TDP1: variants seen among roughly 807,000 people sequenced by gnomAD.
TDP1 encodes the protein tyrosyl-DNA phosphodiesterase 1, also known as tyr-DNA phosphodiesterase 1.
TDP1 carries 64 observed loss-of-function variants against 81.5 expected under a neutral mutation model. That is an observed-to-expected ratio of 0.79 (90% confidence interval 0.64 to 0.97). The LOEUF (loss-of-function observed/expected upper bound fraction) is 0.97, where lower values mean the gene tolerates loss of function less well. TDP1 is among the 50% of genes least tolerant of loss of function. TDP1 has a pLI of 0.00. For missense variants in TDP1, 723 were observed against 743.8 expected, an observed-to-expected ratio of 0.97 and a Z score of 0.33; for synonymous variants, 256 against 264.3, an observed-to-expected ratio of 0.97 and a Z score of 0.30.
intron 15 of TDP1, among the ~76,000 whole-genome samples, chr14:90,027,089 G>C (rs1886748995): frequency 6.6e-6 from 1 of 152,280 alleles, no homozygotes; most frequent in South Asian, 2.1e-4. Flanking sequence ...GTGTAAAAGT[G>C]TTCCTATTTC....
rs778505852 is a variant in TDP1, at chr14:89,991,935, A to G, written c.1385A>G (p.Tyr462Cys). Residue 462 changes from tyrosine (Y) to cysteine (C), a missense_variant, in exon 13 of 17, where the codon TAT becomes TGT. Physicochemically the swap from Tyr to Cys is radical, Grantham distance 194 (BLOSUM62 -2). Coordinates refer to ENST00000335725, the MANE Select transcript of TDP1 (RefSeq NM_018319.4). ...EGYPAGGSLP[Y>C]SIQTAEKQNW... ...TTAAAAGCTGGGGGCTCTCTTCCCT[A>G]TAGCATCCAGACAGCTGAAAAACAG... is the stretch of plus-strand genomic sequence containing the variant. 8 of 1,612,088 alleles carry G rather than the reference A, an allele frequency of 5.0e-6. No individual in the cohort carries two copies. The Admixed American group carries it at 6.7e-5, about 13-fold the overall frequency.
chr14:89,966,896 A>C (rs1479424219), intron 4 of TDP1: 1 of 690,962 alleles, frequency 1.4e-6, no homozygotes, highest in East Asian at 1.3e-4. Flanking sequence ...AGCCTAGTGA[A>C]TGTCTGGTCC....
At chr14:89,960,489 G>C (rs1892200073) in intron 2 of TDP1, among the ~76,000 whole-genome samples, 1 of 152,162 alleles carries the variant, frequency 6.6e-6, no homozygotes. Context: ...ATATACCTAT[G>C]CTATGAGTTT....
chr14:89,965,670 G>T (rs1892859108), intron 3 of TDP1: 1 of 491,446 alleles, frequency 2.0e-6, no homozygotes, highest in Non-Finnish European at 2.6e-6. Flanking sequence ...AATTGTGAGT[G>T]CCTCTGTCCT....
intron 7 of TDP1, among the ~76,000 whole-genome samples, chr14:89,977,513 G>T (rs1053108369): frequency 4.6e-5 from 7 of 151,072 alleles, no homozygotes; most frequent in African/African-American, 1.7e-4. Flanking sequence ...GGCCAGGCTG[G>T]TCTCGAACTC....
chr14:89,964,779 C>T (rs903109073), intron 3 of TDP1: 33 of 368,612 alleles, frequency 9.0e-5, no homozygotes, highest in Middle Eastern at 6.2e-4. Context: ...ATAAAATAAC[C>T]GGCAATTAGC....
chr14:89,984,530 C>T lies in TDP1; in HGVS notation c.899C>T (p.Pro300Leu), dbSNP rs774930586. The T allele has an allele frequency of 6.2e-7, 1 of 1,613,996 alleles. No homozygotes were observed. Among genetic ancestry groups the T allele is most frequent in the Non-Finnish European group, 8.5e-7 (1 of 1,180,026 alleles). The part of the protein sequence containing the change: ...HQKTQGIWLS[P>L]LYPRIADGTH... ...TTTAATTCCAGAATATGGTTGAGCC[C>T]CTTATACCCACGAATTGCTGATGGA... Residue 300 changes from proline to leucine, a missense_variant, in exon 9 of 17, where the codon CCC (proline) becomes CTC (leucine). By Grantham distance (98) the Pro-to-Leu change is moderately conservative. Coordinates refer to ENST00000335725, the MANE Select transcript of TDP1 (RefSeq NM_018319.4).
chr14:89,957,569 A>G (rs1891811455), intron 2 of TDP1, among the ~76,000 whole-genome samples: 1 of 152,194 alleles, frequency 6.6e-6, no homozygotes, highest in South Asian at 2.1e-4. Flanking sequence ...TTTAAGCTCA[A>G]TGAGAAGGAG....
At chr14:90,004,521 A>G (rs2140191097) in intron 14 of TDP1, among the ~76,000 whole-genome samples, 1 of 152,366 alleles carries the variant, frequency 6.6e-6, no homozygotes, top group Non-Finnish European at 1.5e-5. Context: ...ACTAAAGCAT[A>G]GAGAGCTTAA....
intron 14 of TDP1, among the ~76,000 whole-genome samples, chr14:89,993,945 T>G (rs1896446664): frequency 6.6e-6 from 1 of 152,212 alleles, no homozygotes; most frequent in Admixed American, 6.5e-5. Context: ...CTCTACTGTT[T>G]AATGGTTTAG....
chr14:90,033,202 T>C lies in TDP1; in HGVS notation c.1741T>C (p.Tyr581His), dbSNP rs745632206. The change falls in exon 16 of 17, where the codon TAT (tyrosine) becomes CAT (histidine). Residue 581 changes from tyrosine to histidine, a missense_variant. Tyr to His is a moderately conservative substitution (Grantham distance 83). Transcript: ENST00000335725. ...GCCATATGATTTGCCTCCAGAACTG[T>C]ATGGAAGTAAAGGTGAGACACAGAT... The part of the protein sequence containing the change: ...PVPYDLPPEL[Y>H]GSKDRPWIWN... The C allele has an allele frequency of 3.1e-6, 5 of 1,599,962 alleles. No homozygotes were observed. The highest frequency in any genetic ancestry group is 4.3e-6 in the Non-Finnish European group (5 of 1,167,462).
rs1273771111 is a variant in TDP1 at position 89,963,149 on chromosome 14, T to C, written c.35T>C (p.Ile12Thr). 6.2e-7 allele frequency: 1 copy of C among 1,614,138 alleles called. No homozygotes were observed. The highest frequency in any genetic ancestry group is 8.5e-7 in the Non-Finnish European group (1 of 1,180,024). Residue 12 changes from isoleucine (I) to threonine (T), a missense_variant, in exon 3 of 17, where the codon ATA (isoleucine) becomes ACA (threonine). By Grantham distance (89) the Ile-to-Thr change is moderately conservative. Transcript: ENST00000335725. ...GAAGGCGATTATGGGAGGTGGACCA[T>C]ATCTAGTAGTGATGAAAGTGAGGAA... ...SQEGDYGRWT[I>T]SSSDESEEEK...
chr14:89,968,828 A>G (rs187139752), intron 5 of TDP1, among the ~76,000 whole-genome samples: 66 of 152,312 alleles, frequency 4.3e-4, no homozygotes, highest in Middle Eastern at 3.4e-3. Context: ...ATCTGTTATG[A>G]GTTAAATTAT....
At chr14:89,990,648 T>C (rs1896083966) in intron 12 of TDP1, among the ~76,000 whole-genome samples, 1 of 149,518 alleles carries the variant, frequency 6.7e-6, no homozygotes, top group African/African-American at 2.5e-5. Flanking sequence ...TTTGTGCCTC[T>C]AATAGGCTAG....
chr14:89,982,107 G>A lies in TDP1; in HGVS notation c.884+1475G>A, dbSNP rs1352226642. Among the ~76,000 whole-genome samples the A allele has an allele frequency of 3.9e-5, 6 of 152,050 alleles. No homozygotes were observed. In the East Asian group the frequency reaches 7.7e-4, roughly 20 times the overall value. ...GTTTGAAAGGGAGTCTTGTTTCTGAGCCTTACATCTCTTGTTCCCTCCCCA... is the reference window on the plus strand; with the variant it reads ...GTTTGAAAGGGAGTCTTGTTTCTGAACCTTACATCTCTTGTTCCCTCCCCA... On this transcript the variant is annotated intron_variant, in intron 8 of 16. Coordinates refer to ENST00000335725, the MANE Select transcript of TDP1 (RefSeq NM_018319.4).
At chr14:89,982,087 A>G (rs1895040124) in intron 8 of TDP1, among the ~76,000 whole-genome samples, 1 of 152,110 alleles carries the variant, frequency 6.6e-6, no homozygotes, top group Admixed American at 6.6e-5. Flanking sequence ...TCAGAGTTTG[A>G]AAGGGAGTCT....
chr14:90,039,684 A>G lies in TDP1; in HGVS notation c.1754-3386A>G, dbSNP rs1304167152. Reference sequence around the variant, plus strand: ...ATTTATCTGATTATTAAAAAAAAAAAAAAGAAACTGTTAAGACCTACATAG... The same window carrying G: ...ATTTATCTGATTATTAAAAAAAAAAGAAAGAAACTGTTAAGACCTACATAG... On this transcript the variant is annotated intron_variant, in intron 16 of 16. Transcript: ENST00000335725. Among the ~76,000 whole-genome samples the G allele has an allele frequency of 2.0e-5, 3 of 152,106 alleles. No homozygotes were observed. In the East Asian group the frequency reaches 5.8e-4, roughly 29 times the overall value.
chr14:90,001,840 GTTTAT>G (rs1897213008), intron 14 of TDP1, among the ~76,000 whole-genome samples: 1 of 151,820 alleles, frequency 6.6e-6, no homozygotes, highest in Non-Finnish European at 1.5e-5. Context: ...CATCTTCCCA[GTTTAT>G]TTTATTTATT....
At chr14:89,975,577 T>C (rs370140954) in intron 6 of TDP1, 1 of 764,504 alleles carries the variant, frequency 1.3e-6, no homozygotes, top group African/African-American at 2.3e-5. Flanking sequence ...GTAACAAAAT[T>C]TGTGTTTTTT....
Sources: gnomAD v4.1 joint callset for allele counts (sites outside exome capture counted in the v4.1 genomes callset) on GRCh38, gnomAD v4.1.1 for gene constraint, MANE v1.5 for transcripts, NCBI Gene and HGNC (gene_info 2026-07-23, HGNC 2026-07-21) for gene names.